GRIN2A: variants seen among roughly 807,000 people sequenced by gnomAD.
The protein encoded by GRIN2A is glutamate ionotropic receptor NMDA type subunit 2A, also known as glutamate receptor ionotropic, NMDA 2A.
GRIN2A carries 22 observed loss-of-function variants against 113.4 expected under a neutral mutation model. That is an observed-to-expected ratio of 0.19 (90% CI 0.14 to 0.28). GRIN2A has a LOEUF of 0.28. Ranked by LOEUF, GRIN2A falls within the 10% of genes least tolerant of loss-of-function variation. GRIN2A has a pLI of 1.00. For missense variants in GRIN2A, 1,502 were observed against 1,887.0 expected, an observed-to-expected ratio of 0.80 and a Z score of 3.78; for synonymous variants, 827 against 738.4, an observed-to-expected ratio of 1.12 and a Z score of -1.94.
At position 9,980,825 on chromosome 16, in the gene GRIN2A, C is replaced by T. The variant is rs1165156794; in HGVS notation, c.415-42274G>A. ...GACACAGGAAGGGGAACATCACACA[C>T]CAGGGACTGTTGTGGGGTGGGGGGA... is the stretch of plus-strand genomic sequence containing the variant. On this transcript the variant is annotated intron_variant, in intron 2 of 12. Coordinates refer to ENST00000330684, the MANE Select transcript of GRIN2A (RefSeq NM_001134407.3). Among the ~76,000 whole-genome samples, 7 of 121,714 alleles carry T rather than the reference C, an allele frequency of 5.8e-5. No individual in the cohort carries two copies. In the South Asian group the frequency reaches 1.6e-3, roughly 27 times the overall value. The allele number at this position is 121,714 out of a possible 152,430, so 79.8% of individuals were successfully genotyped here.
rs568418684 is a variant in GRIN2A, at chr16:10,016,051, G to C, written c.415-77500C>G. 8.0e-5 allele frequency among the ~76,000 whole-genome samples: 12 copies of C among 150,514 alleles called. 1 individual carries two copies. The South Asian group carries it at 2.3e-3, about 29-fold the overall frequency. On this transcript the variant is annotated intron_variant, in intron 2 of 12. Transcript: ENST00000330684. ...GAATTGCTTGAACCCAGGAGGTGGA[G>C]GTTGCAGTGAGCCAAGATCATGCCA...
chr16:9,859,773 T>A (rs2043032051), intron 4 of GRIN2A, among the ~76,000 whole-genome samples: 1 of 152,088 alleles, frequency 6.6e-6, no homozygotes, highest in African/African-American at 2.4e-5. Context: ...CTCCCCCTAC[T>A]GAAATCCTAC....
At position 10,181,772 on chromosome 16, in the gene GRIN2A, C is replaced by T. The variant is rs928809569; in HGVS notation, c.-19+105G>A. 1.4e-3 allele frequency: 212 copies of T among 153,080 alleles called. 2 individuals are homozygous for T. Among genetic ancestry groups the T allele is most frequent in the Non-Finnish European group, 4.5e-4 (31 of 68,264 alleles). The allele number at this position is 153,080 out of a possible 1,614,324, so 9.5% of individuals were successfully genotyped here. A position where few individuals can be genotyped will look rare whatever the true frequency, so the allele number is the denominator to read the frequency against. ...CTGCACTTCGCCGCTGGGCTCCCTCCCGCTTTCCCTCTCCCTCTCTAGCCT... is the reference window on the plus strand; with the variant it reads ...CTGCACTTCGCCGCTGGGCTCCCTCTCGCTTTCCCTCTCCCTCTCTAGCCT... On this transcript the variant is annotated intron_variant, in intron 1 of 12. Transcript: ENST00000330684.
chr16:9,867,799 C>A (rs1264508480), intron 4 of GRIN2A, among the ~76,000 whole-genome samples: 2 of 152,124 alleles, frequency 1.3e-5, no homozygotes, highest in African/African-American at 4.8e-5. Context: ...TCTTTCCTCT[C>A]CCTCTTGCCC....
chr16:9,983,347 G>T (rs1436491686), intron 2 of GRIN2A, among the ~76,000 whole-genome samples: 1 of 152,024 alleles, frequency 6.6e-6, no homozygotes, highest in Non-Finnish European at 1.5e-5. Flanking sequence ...GAAAACACGT[G>T]ATATTTGGTT....
chr16:9,914,817 C>T (rs2044210081), intron 3 of GRIN2A, among the ~76,000 whole-genome samples: 1 of 143,126 alleles, frequency 7.0e-6, no homozygotes, highest in African/African-American at 2.6e-5. Flanking sequence ...TACAAGACAG[C>T]TAAGGGGCAG....
At position 10,134,024 on chromosome 16, in the gene GRIN2A, GA is replaced by G. The variant is rs542817027; in HGVS notation, c.414+45973del. 1.4e-3 allele frequency among the ~76,000 whole-genome samples: 203 copies of G among 147,356 alleles called. 2 individuals carry two copies. Among genetic ancestry groups the G allele is most frequent in the South Asian group, 9.5e-3 (44 of 4,610 alleles). On this transcript the variant is annotated intron_variant, in intron 2 of 12. Transcript: ENST00000330684. Reference sequence around the variant, plus strand: ...GTGGTGAAACCCCACCTCTGAAAAAGAAAAAAAAAATACAAAAACAGATTAG... The same window carrying G: ...GTGGTGAAACCCCACCTCTGAAAAAGAAAAAAAAATACAAAAACAGATTAG...
chr16:9,941,610 A>G (rs369049854), intron 2 of GRIN2A, among the ~76,000 whole-genome samples: 1 of 152,170 alleles, frequency 6.6e-6, no homozygotes, highest in Non-Finnish European at 1.5e-5. Context: ...AAAATGGAGA[A>G]TACTAGAACC....
intron 2 of GRIN2A, among the ~76,000 whole-genome samples, chr16:10,002,910 A>T (rs926686964): frequency 5.3e-5 from 8 of 152,220 alleles, no homozygotes; most frequent in Non-Finnish European, 1.2e-4. Context: ...GGAGAAAGGC[A>T]ATTTTCCTAC....
intron 2 of GRIN2A, among the ~76,000 whole-genome samples, chr16:9,957,741 C>T (rs953923485): frequency 4.6e-5 from 7 of 152,096 alleles, no homozygotes; most frequent in African/African-American, 7.2e-5. Flanking sequence ...ATTTAACAAC[C>T]GAAAGATGCC....
At chr16:9,775,817 G>C (rs1030458810) in intron 11 of GRIN2A, among the ~76,000 whole-genome samples, 6 of 152,342 alleles carry the variant, frequency 3.9e-5, no homozygotes, top group Admixed American at 1.3e-4. Flanking sequence ...ATGGCCCCCT[G>C]ATTGGAAATC....
chr16:9,908,207 G>A (rs1439665821), intron 3 of GRIN2A, among the ~76,000 whole-genome samples: 1 of 152,094 alleles, frequency 6.6e-6, no homozygotes, highest in Admixed American at 6.6e-5. Context: ...GTGTGGAAAT[G>A]TGTCCCCTAA....
At chr16:9,802,076 T>A (rs1308194081) in intron 10 of GRIN2A, among the ~76,000 whole-genome samples, 5 of 152,138 alleles carry the variant, frequency 3.3e-5, no homozygotes, top group African/African-American at 1.2e-4. Flanking sequence ...TAACAGATGC[T>A]GGCAAGGTTG....
At chr16:10,088,489 C>T (rs1024437688) in intron 2 of GRIN2A, among the ~76,000 whole-genome samples, 4 of 152,218 alleles carry the variant, frequency 2.6e-5, no homozygotes, top group Admixed American at 6.5e-5. Flanking sequence ...TCTATACCCA[C>T]CCTAGACCTG....
intron 2 of GRIN2A, among the ~76,000 whole-genome samples, chr16:10,077,980 T>A (rs1396181345): frequency 2.0e-5 from 3 of 152,212 alleles, no homozygotes; most frequent in African/African-American, 4.8e-5. Context: ...TGAACCAGGA[T>A]AAGGTATTTC....
At chr16:10,133,746 G>A (rs1266146255) in intron 2 of GRIN2A, among the ~76,000 whole-genome samples, 1 of 152,114 alleles carries the variant, frequency 6.6e-6, no homozygotes, top group Non-Finnish European at 1.5e-5. Flanking sequence ...TCCAACTGTG[G>A]ACCTGTAAAA....
chr16:9,827,805 G>T (rs770783075), intron 9 of GRIN2A, among the ~76,000 whole-genome samples: 20 of 152,160 alleles, frequency 1.3e-4, no homozygotes, highest in Non-Finnish European at 2.2e-4. Context: ...CATTCACCCA[G>T]CAAGAGTGTC....
intron 2 of GRIN2A, among the ~76,000 whole-genome samples, chr16:9,963,216 A>G (rs1292267428): frequency 6.6e-6 from 1 of 151,742 alleles, no homozygotes; most frequent in Non-Finnish European, 1.5e-5. Flanking sequence ...ACATGTATAC[A>G]TATGTAACAA....
At chr16:10,119,365 T>C (rs1189598124) in intron 2 of GRIN2A, among the ~76,000 whole-genome samples, 4 of 35,746 alleles carry the variant, frequency 1.1e-4, no homozygotes, top group African/African-American at 2.6e-4. Context: ...AGGAAGGTAT[T>C]TTCCAGCTTT....
Sources: allele counts gnomAD v4.1 joint callset (sites outside exome capture counted in the v4.1 genomes callset), GRCh38; gene constraint gnomAD v4.1.1; transcripts MANE v1.5; gene names NCBI Gene and HGNC (gene_info 2026-07-23, HGNC 2026-07-21).